The following CXCL17 variants were observed in gnomAD, a reference collection of about 807,000 sequenced individuals.
The protein encoded by CXCL17 is C-X-C motif chemokine 17.
In CXCL17, 9 loss-of-function variants were observed where a neutral mutation model predicts 15.5. That is an observed-to-expected ratio of 0.58 (90% confidence interval 0.35 to 1.01). The LOEUF is 1.01. CXCL17 is among the 50% of genes least tolerant of loss of function. The pLI, the probability that CXCL17 is intolerant of heterozygous loss-of-function variation, is 0.02. For missense variants in CXCL17, 133 were observed against 138.2 expected, an observed-to-expected ratio of 0.96 and a Z score of 0.19; for synonymous variants, 52 against 52.3, an observed-to-expected ratio of 0.99 and a Z score of 0.02.
At chr19:42,440,849 G>C (rs1458180243) in intron 1 of CXCL17, among the ~76,000 whole-genome samples, 1 of 151,512 alleles carries the variant, frequency 6.6e-6, no homozygotes, top group African/African-American at 2.4e-5. Context: ...ACCAAGGGTG[G>C]TTCCCCCTCC....
At position 42,437,696 on chromosome 19, in the gene CXCL17, C is replaced by T. The variant is rs2040846978; in HGVS notation, c.80-3840G>A. Among the ~76,000 whole-genome samples, 3 of 152,158 alleles carry T rather than the reference C, an allele frequency of 2.0e-5. No individual in the cohort carries two copies. In the South Asian group the frequency reaches 6.2e-4, roughly 31 times the overall value. ...TCTGGTTATTTTCCAAAGTGAGTGT[C>T]TATGCTGGAATATTGGGCTTGTGGC... On this transcript the variant is annotated intron_variant, in intron 1 of 3. Coordinates refer to ENST00000601181, the MANE Select transcript of CXCL17 (RefSeq NM_198477.3).
At chr19:42,438,486 T>C (rs1270354766) in intron 1 of CXCL17, among the ~76,000 whole-genome samples, 1 of 150,472 alleles carries the variant, frequency 6.6e-6, no homozygotes, top group East Asian at 1.9e-4. Context: ...TCTCTCTTTG[T>C]CTCTTTCTCA....
At chr19:42,431,578 G>A (rs2040781246) in intron 3 of CXCL17, among the ~76,000 whole-genome samples, 1 of 150,234 alleles carries the variant, frequency 6.7e-6, no homozygotes, top group South Asian at 2.1e-4. Flanking sequence ...TGAAACTTAC[G>A]TTAATGAAGG....
intron 1 of CXCL17, among the ~76,000 whole-genome samples, chr19:42,437,177 TC>T (rs1227497994): frequency 6.6e-6 from 1 of 152,174 alleles, no homozygotes; most frequent in Non-Finnish European, 1.5e-5. Context: ...CCTCAAGTGA[TC>T]CGCTCCCCTC....
At chr19:42,433,377 C>G (rs900868695) in intron 2 of CXCL17, among the ~76,000 whole-genome samples, 1 of 152,182 alleles carries the variant, frequency 6.6e-6, no homozygotes, top group African/African-American at 2.4e-5. Context: ...TGGGTGTCTG[C>G]TTTTCAGTGG....
intron 1 of CXCL17, among the ~76,000 whole-genome samples, chr19:42,436,266 G>T (rs2040833441): frequency 1.3e-5 from 2 of 152,192 alleles, no homozygotes; most frequent in African/African-American, 4.8e-5. Flanking sequence ...GATGGAGGGG[G>T]TTGCGTCATT....
At chr19:42,439,591 C>G (rs2040872074) in intron 1 of CXCL17, among the ~76,000 whole-genome samples, 2 of 152,158 alleles carry the variant, frequency 1.3e-5, no homozygotes, top group Non-Finnish European at 2.9e-5. Context: ...CAGACACCAC[C>G]TGAACCAAGT....
chr19:42,432,080 C>T (rs977568749), intron 3 of CXCL17, among the ~76,000 whole-genome samples: 4 of 151,730 alleles, frequency 2.6e-5, no homozygotes, highest in African/African-American at 9.7e-5. Context: ...GTATAAGGAT[C>T]CTGATATATC....
chr19:42,428,812 AGTGTCTGGTAGGT>A lies in CXCL17; in HGVS notation c.*59_*71del. On this transcript the variant is annotated 3_prime_UTR_variant, in exon 4 of 4. Coordinates refer to ENST00000601181, the MANE Select transcript of CXCL17 (RefSeq NM_198477.3). ...TGGGAGAGTGAGGTGGGAGAAGAAG[AGTGTCTGGTAGGT>A]GTGCTCACTGTCTTCTTGGCTGAGA... The A allele has an allele frequency of 9.2e-7, 1 of 1,089,980 alleles. No homozygotes were observed. Among genetic ancestry groups the A allele is most frequent in the East Asian group, 2.4e-5 (1 of 42,288 alleles). 67.5% of individuals were successfully genotyped at this position (1,089,980 alleles called of 1,614,324 possible). A position where few individuals can be genotyped will look rare whatever the true frequency, so the allele number is the denominator to read the frequency against.
chr19:42,433,910 C>T (rs1002069105), intron 1 of CXCL17, 54 bp from the exon 2 acceptor site: 2 of 1,383,980 alleles, frequency 1.4e-6, no homozygotes, highest in African/African-American at 2.8e-5. Flanking sequence ...CAGAAATGAT[C>T]CTCCCAGCAT....
intron 2 of CXCL17, 60 bp from the exon 3 acceptor site, chr19:42,433,137 G>T: frequency 8.1e-7 from 1 of 1,232,736 alleles, no homozygotes; most frequent in Non-Finnish European, 1.2e-6. Flanking sequence ...GGAGGGAGTA[G>T]GACAGAGCTT....
rs765853474 is a variant in CXCL17 at position 42,433,894 on chromosome 19, A to T, written c.80-38T>A. On this transcript the variant is annotated intron_variant, in intron 1 of 3. Transcript: ENST00000601181. Reference sequence around the variant, plus strand: ...AACAGGTCACATCCAGACACTGGAAAGGGCACAGAAATGATCCTCCCAGCA... The same window carrying T: ...AACAGGTCACATCCAGACACTGGAATGGGCACAGAAATGATCCTCCCAGCA... The T allele has an allele frequency of 2.0e-6, 3 of 1,512,790 alleles. No homozygotes were observed. The South Asian group carries it at 3.4e-5, about 17-fold the overall frequency. 93.7% of individuals were successfully genotyped at this position (1,512,790 alleles called of 1,614,324 possible).
At chr19:42,437,871 A>AT (rs1174085824) in intron 1 of CXCL17, among the ~76,000 whole-genome samples, 1 of 152,094 alleles carries the variant, frequency 6.6e-6, no homozygotes, top group African/African-American at 2.4e-5. Context: ...CATTTTCCTA[A>AT]TTTGTAAGAT....
intron 1 of CXCL17, among the ~76,000 whole-genome samples, chr19:42,442,188 G>A (rs188338926): frequency 6.6e-6 from 1 of 151,732 alleles, no homozygotes; most frequent in Non-Finnish European, 1.5e-5. Context: ...TGTGTGAGGG[G>A]GATCAGCTAC....
chr19:42,441,029 T>C (rs1232619716), intron 1 of CXCL17, among the ~76,000 whole-genome samples: 1 of 152,208 alleles, frequency 6.6e-6, no homozygotes, highest in East Asian at 1.9e-4. Context: ...TCAGCCCAAA[T>C]GTCAGTAGAG....
chr19:42,441,150 C>T (rs772563787), intron 1 of CXCL17, among the ~76,000 whole-genome samples: 1 of 152,142 alleles, frequency 6.6e-6, no homozygotes, highest in Non-Finnish European at 1.5e-5. Flanking sequence ...AACAGTGCAC[C>T]AGTCTGTGTC....
rs530415924 is a variant in CXCL17 at position 42,436,265 on chromosome 19, G to A, written c.80-2409C>T. Among the ~76,000 whole-genome samples, 32 of 152,248 alleles carry A rather than the reference G, an allele frequency of 2.1e-4. 1 individual carries two copies. Among genetic ancestry groups the A allele is most frequent in the Admixed American group, 6.5e-4 (10 of 15,292 alleles). ...AGACTTCTGCCACACAGATGGAGGGGGTTGCGTCATTTCCCCAAGGGCTGC... is the reference window on the plus strand; with the variant it reads ...AGACTTCTGCCACACAGATGGAGGGAGTTGCGTCATTTCCCCAAGGGCTGC... On this transcript the variant is annotated intron_variant, in intron 1 of 3. Coordinates refer to ENST00000601181, the MANE Select transcript of CXCL17 (RefSeq NM_198477.3).
In CXCL17 at chr19:42,442,890, G is replaced by T; in HGVS notation, c.-58C>A. On this transcript the variant is annotated 5_prime_UTR_variant, in exon 1 of 4. Transcript: ENST00000601181. ...AGAATATAATGGAAGGTTCCCTGCT[G>T]GAGGCTCCTGATCCCTGGGGATGAC... 1 of 1,339,202 alleles carries T rather than the reference G, an allele frequency of 7.5e-7. No individual in the cohort carries two copies. The highest frequency in any genetic ancestry group is 1.2e-5 in the South Asian group (1 of 81,930). 83.0% of individuals were successfully genotyped at this position (1,339,202 alleles called of 1,614,324 possible).
intron 3 of CXCL17, among the ~76,000 whole-genome samples, chr19:42,431,944 G>T (rs1050359976): frequency 6.7e-6 from 1 of 148,560 alleles, no homozygotes. Context: ...TAATATTCTT[G>T]TACCTATATT....
Sources: allele counts gnomAD v4.1 joint callset (sites outside exome capture counted in the v4.1 genomes callset), GRCh38; gene constraint gnomAD v4.1.1; transcripts MANE v1.5; gene names NCBI Gene and HGNC (gene_info 2026-07-23, HGNC 2026-07-21).